Variants in PIBF1 observed in about 807,000 individuals in gnomAD.
PIBF1 encodes progesterone-induced-blocking factor 1.
Under a neutral mutation model 112.5 loss-of-function variants are expected in PIBF1, and 90 were observed. The ratio of observed to expected loss-of-function variants is 0.80; its 90% CI spans 0.67 to 0.95. PIBF1 has a LOEUF of 0.95. PIBF1 is among the 40% of genes least tolerant of loss of function. PIBF1 has a pLI of 0.00. For missense variants in PIBF1, 915 were observed against 852.3 expected, an observed-to-expected ratio of 1.07 and a Z score of -0.92; for synonymous variants, 301 against 288.6, an observed-to-expected ratio of 1.04 and a Z score of -0.44.
At chr13:72,792,617 C>A in intron 3 of PIBF1, 70 bp downstream of exon 3, 1 of 756,346 alleles carries the variant, frequency 1.3e-6, no homozygotes, top group South Asian at 2.0e-5. Context: ...ATTGCCTGTT[C>A]ATGTTTGTGA....
rs9573061 is a variant in PIBF1, at chr13:72,902,091, T to G, written c.1489-6440T>G. Among the ~76,000 whole-genome samples the G allele has an allele frequency of 2.7e-4, 41 of 149,862 alleles. No homozygotes were observed. In the East Asian group the frequency reaches 6.9e-3, roughly 25 times the overall value. On this transcript the variant is annotated intron_variant, in intron 11 of 17. Coordinates refer to ENST00000326291, the MANE Select transcript of PIBF1 (RefSeq NM_006346.4). Reference sequence around the variant, plus strand: ...TGAATTAACAGCATTTGCAGTGACCTAAATGAGATTGGAGACTATTATTCT... The same window carrying G: ...TGAATTAACAGCATTTGCAGTGACCGAAATGAGATTGGAGACTATTATTCT...
chr13:72,915,850 G>A (rs1389965576), intron 12 of PIBF1, among the ~76,000 whole-genome samples: 1 of 152,172 alleles, frequency 6.6e-6, no homozygotes, highest in Admixed American at 6.6e-5. Context: ...ATCAACAAAT[G>A]TATCCCTATT....
intron 16 of PIBF1, among the ~76,000 whole-genome samples, chr13:72,983,755 A>G (rs1278049520): frequency 6.6e-6 from 1 of 151,798 alleles, no homozygotes; most frequent in Admixed American, 6.6e-5. Context: ...TATGTGTGTC[A>G]CTCTTTCGGT....
intron 17 of PIBF1, among the ~76,000 whole-genome samples, chr13:73,013,670 G>A (rs2044287843): frequency 6.8e-6 from 1 of 147,586 alleles, no homozygotes; most frequent in Non-Finnish European, 1.5e-5. Context: ...CCGAGAGGTT[G>A]AGGCTACAGT....
rs1305511736 is a variant in PIBF1 at position 72,949,297 on chromosome 13, TGTC to T, written c.1834-15976_1834-15974del. On this transcript the variant is annotated intron_variant, in intron 14 of 17. Coordinates refer to ENST00000326291, the MANE Select transcript of PIBF1 (RefSeq NM_006346.4). ...TGTAACTACTACCTAGACAAATAGC[TGTC>T]TTTTTTTTTTTTTTTTTTTTTTTTT... Among the ~76,000 whole-genome samples the T allele has an allele frequency of 2.8e-3, 357 of 127,918 alleles. 1 individual carries two copies. Among genetic ancestry groups the T allele is most frequent in the African/African-American group, 0.01 (338 of 32,250 alleles). The allele number at this position is 127,918 out of a possible 152,430, so 83.9% of individuals were successfully genotyped here.
intron 16 of PIBF1, among the ~76,000 whole-genome samples, chr13:72,987,841 TATTTATTTA>T (rs1566521988): frequency 3.2e-5 from 3 of 94,380 alleles, no homozygotes; most frequent in Non-Finnish European, 5.6e-5. Flanking sequence ...TTTTGTAATT[TATTTATTTA>T]TTTATTTATT....
intron 9 of PIBF1, among the ~76,000 whole-genome samples, chr13:72,841,942 G>A (rs1224555831): frequency 6.6e-6 from 1 of 152,172 alleles, no homozygotes; most frequent in Non-Finnish European, 1.5e-5. Flanking sequence ...TATGTTGACA[G>A]TTTAAGGAAA....
intron 9 of PIBF1, among the ~76,000 whole-genome samples, chr13:72,845,334 TGTGTAGTATTCCATG>T (rs1285242507): frequency 1.3e-5 from 2 of 152,230 alleles, no homozygotes; most frequent in Non-Finnish European, 2.9e-5. Context: ...TTTTTATGGC[TGTGTAGTATTCCATG>T]GTGTATATGT....
At chr13:72,936,243 C>G (rs183346012) in intron 14 of PIBF1, among the ~76,000 whole-genome samples, 1 of 152,128 alleles carries the variant, frequency 6.6e-6, no homozygotes, top group Non-Finnish European at 1.5e-5. Flanking sequence ...CACTATGTTG[C>G]TCAGGTTGTC....
chr13:72,816,295 T>C (rs1174275432), intron 5 of PIBF1, among the ~76,000 whole-genome samples: 3 of 152,214 alleles, frequency 2.0e-5, no homozygotes, highest in Non-Finnish European at 4.4e-5. Context: ...TCTGAACCCA[T>C]GTTTGTTATT....
chr13:72,863,542 T>C (rs2038790837), intron 10 of PIBF1, among the ~76,000 whole-genome samples: 1 of 150,856 alleles, frequency 6.6e-6, no homozygotes, highest in South Asian at 2.1e-4. Context: ...CCTGTAGTCC[T>C]AGCTGCTGAG....
At chr13:72,926,345 A>G (rs1053407152) in intron 13 of PIBF1, among the ~76,000 whole-genome samples, 8 of 152,234 alleles carry the variant, frequency 5.3e-5, no homozygotes, top group Non-Finnish European at 7.3e-5. Flanking sequence ...TATGCACATA[A>G]TGATATAAAA....
intron 13 of PIBF1, 114 bp from the exon 14 acceptor site, chr13:72,931,050 TA>T: frequency 3.1e-6 from 2 of 648,874 alleles, no homozygotes; most frequent in Non-Finnish European, 5.4e-6. Flanking sequence ...TTTTTTCTGT[TA>T]ATATTTAAGT....
intron 10 of PIBF1, among the ~76,000 whole-genome samples, chr13:72,859,655 C>T (rs1041339724): frequency 6.6e-6 from 1 of 152,008 alleles, no homozygotes; most frequent in East Asian, 1.9e-4. Flanking sequence ...AATGTAAGAT[C>T]ATGCAGTTGG....
At chr13:72,862,467 G>A (rs2038736546) in intron 10 of PIBF1, among the ~76,000 whole-genome samples, 1 of 152,090 alleles carries the variant, frequency 6.6e-6, no homozygotes, top group Admixed American at 6.6e-5. Flanking sequence ...ATTTGGTTGA[G>A]CTCAAGGTTT....
chr13:72,872,319 C>T (rs942735473), intron 10 of PIBF1, among the ~76,000 whole-genome samples: 4 of 152,122 alleles, frequency 2.6e-5, no homozygotes, highest in Non-Finnish European at 5.9e-5. Flanking sequence ...ATAGTGATTT[C>T]ATTATCAGAA....
At chr13:72,906,689 A>G (rs561963370) in intron 11 of PIBF1, among the ~76,000 whole-genome samples, 269 of 152,268 alleles carry the variant, frequency 1.8e-3, no homozygotes, top group Non-Finnish European at 3.1e-3. Flanking sequence ...TTTAAATTAC[A>G]TCTCTCGTAA....
intron 14 of PIBF1, among the ~76,000 whole-genome samples, chr13:72,946,143 A>T (rs2042143300): frequency 6.6e-6 from 1 of 152,138 alleles, no homozygotes; most frequent in Non-Finnish European, 1.5e-5. Flanking sequence ...ATTGACTCAC[A>T]GTTCTGCAGG....
Position 73,000,703 on chromosome 13 carries a change from C to T in PIBF1, c.2223+1708C>T, listed in dbSNP as rs537075006. ...TCTGATCTGCCTTTCTGATCCTACT[C>T]TGCTCCAGGCAGTGGCACTATTCCT... On this transcript the variant is annotated intron_variant, in intron 17 of 17. Transcript: ENST00000326291. Among the ~76,000 whole-genome samples the T allele has an allele frequency of 2.0e-5, 3 of 152,358 alleles. No homozygotes were observed. In the South Asian group the frequency reaches 6.2e-4, roughly 32 times the overall value.
Sources: allele counts gnomAD v4.1 joint callset (sites outside exome capture counted in the v4.1 genomes callset), GRCh38; gene constraint gnomAD v4.1.1; transcripts MANE v1.5; gene names NCBI Gene and HGNC (gene_info 2026-07-23, HGNC 2026-07-21).